Variants in CDK11A observed in about 807,000 individuals in gnomAD.
CDK11A encodes cyclin dependent kinase 11A.
A neutral mutation model predicts 83.6 loss-of-function variants in CDK11A; 55 were observed. The ratio of observed to expected loss-of-function variants is 0.66; its 90% CI spans 0.53 to 0.82. The LOEUF is 0.82. Among genes scored for constraint, CDK11A ranks in the 40% least tolerant of loss-of-function variants. CDK11A has a pLI of 0.00. For synonymous variants in CDK11A, 247 were observed against 302.7 expected (o/e 0.82, Z 1.91); for missense variants, 564 against 810.1 (o/e 0.70, Z 3.69).
intron 4 of CDK11A, among the ~76,000 whole-genome samples, chr1:1,718,208 C>T (rs1226925627): frequency 9.0e-5 from 13 of 144,152 alleles, no homozygotes; most frequent in African/African-American, 3.1e-4. Context: ...AGGGTATTCT[C>T]TCTATAGCCC....
intron 17 of CDK11A, 85 bp from the exon 18 acceptor site, chr1:1,703,709 G>A (rs926126776): frequency 6.5e-7 from 1 of 1,537,614 alleles, no homozygotes; most frequent in East Asian, 2.4e-5. Context: ...CAAGCCACCA[G>A]GAGGGCTCTC....
chr1:1,715,939 C>T (rs1426151359), intron 5 of CDK11A, among the ~76,000 whole-genome samples: 1 of 150,772 alleles, frequency 6.6e-6, no homozygotes, highest in Non-Finnish European at 1.5e-5. Context: ...CTCCCTTCTC[C>T]TTTTTTTGAG....
In CDK11A at chr1:1,708,037, G is replaced by C. The variant is rs554468212; in HGVS notation, c.1069+143C>G. On this transcript the variant is annotated intron_variant, in intron 10 of 19. Transcript: ENST00000404249. ...TCGCTGAGGAATGCGGGCCCCACCG[G>C]CACAGCCTGGAGCGGCCAACGAATC... 3,409 of 921,650 alleles carry C rather than the reference G, an allele frequency of 3.7e-3. 48 individuals are homozygous for C. The highest frequency in any genetic ancestry group is 6.0e-3 in the Admixed American group (205 of 34,282). 57.1% of individuals were successfully genotyped at this position (921,650 alleles called of 1,614,324 possible).
rs1644424797 is a variant in CDK11A, at chr1:1,708,859, TC to T, written c.937del (p.Glu313ArgfsTer25). 5 of 369,162 alleles carry T rather than the reference TC, an allele frequency of 1.4e-5. No homozygotes were observed. Among genetic ancestry groups the T allele is most frequent in the East Asian group, 4.2e-5 (1 of 23,972 alleles). The allele number at this position is 369,162 out of a possible 1,614,324, so 22.9% of individuals were successfully genotyped here. ...STSEESEEEE[E>X]EEEEEEEETG... ...CTCCTCCTCCTCCTCTTCCTCTTCC[TC>T]CTCCTCCTCCTCTGATTCTTCACTG... On this transcript the variant is annotated frameshift_variant, in exon 9 of 20. Coordinates refer to ENST00000404249, the MANE Select transcript of CDK11A (RefSeq NM_024011.4). LOFTEE classifies it high-confidence loss of function.
intron 14 of CDK11A, 23 bp from the exon 15 acceptor site, chr1:1,704,367 T>A (rs777158943): frequency 6.2e-7 from 1 of 1,606,406 alleles, no homozygotes; most frequent in African/African-American, 1.3e-5. Flanking sequence ...GAGGCTCCCA[T>A]GTGGACCCGG....
intron 4 of CDK11A, among the ~76,000 whole-genome samples, chr1:1,717,545 G>A (rs1292153178): frequency 6.6e-6 from 1 of 151,340 alleles, no homozygotes; most frequent in East Asian, 1.9e-4. Context: ...TATAATGGGG[G>A]AGAGAAAACC....
intron 4 of CDK11A, among the ~76,000 whole-genome samples, chr1:1,718,141 T>C (rs1364452631): frequency 2.0e-5 from 3 of 147,556 alleles, no homozygotes; most frequent in Non-Finnish European, 4.5e-5. Context: ...ACGCATGCTT[T>C]CAGCTAGAGT....
chr1:1,721,622 A>G lies in CDK11A; in HGVS notation c.201T>C (p.Tyr67=), dbSNP rs201926274. 64 of 1,607,314 alleles carry G rather than the reference A, an allele frequency of 4.0e-5. 3 individuals carry two copies. The highest frequency in any genetic ancestry group is 5.1e-5 in the Non-Finnish European group (60 of 1,175,088). Residue 67 remains tyrosine (Y), a synonymous_variant, in exon 3 of 20, where the codon TAT becomes TAC. Transcript: ENST00000404249. The part of the protein sequence containing the change: ...CMEITIRNSP[Y]RREDSMEDRG... ...TGTCTTCCATTGAGTCTTCTCTTCTATACGGGGAGTTCCTTATTGTGATCT... is the reference window on the plus strand; with the variant it reads ...TGTCTTCCATTGAGTCTTCTCTTCTGTACGGGGAGTTCCTTATTGTGATCT...
intron 3 of CDK11A, among the ~76,000 whole-genome samples, chr1:1,720,797 T>A (rs1280717994): frequency 6.6e-6 from 1 of 150,982 alleles, no homozygotes; most frequent in East Asian, 1.9e-4. Context: ...ATTCAAGCAA[T>A]TCTCCTGCCT....
rs1477430035 is a variant in CDK11A at position 1,718,422 on chromosome 1, C to T, written c.355+906G>A. Among the ~76,000 whole-genome samples the T allele has an allele frequency of 9.4e-5, 14 of 149,630 alleles. No individual in the cohort carries two copies. The East Asian group carries it at 2.6e-3, about 28-fold the overall frequency. On this transcript the variant is annotated intron_variant, in intron 4 of 19. Transcript: ENST00000404249. The stretch of plus-strand genomic sequence containing the variant: ...CACGCAGGCTTTTAGCTAGAGTTTG[C>T]TCTCCATAGCCCTTCTGAATGGTCT...
At position 1,705,005 on chromosome 1, in the gene CDK11A, G is replaced by A. The variant is rs766774315; in HGVS notation, c.1357C>T (p.Arg453Trp). 8.1e-6 allele frequency: 13 copies of A among 1,597,116 alleles called. No homozygotes were observed. The highest frequency in any genetic ancestry group is 1.5e-5 in the African/African-American group (1 of 68,794). Residue 453 changes from arginine to tryptophan, a missense_variant, in exon 13 of 20, where the codon CGG becomes TGG. By Grantham distance (101) the Arg-to-Trp change is moderately radical. Around this residue, in one of 5 missense-constraint regions of CDK11A, gnomAD observed 361 missense variants for 402.7 expected, o/e 0.90. Coordinates refer to ENST00000404249, the MANE Select transcript of CDK11A (RefSeq NM_024011.4). Reference sequence around the variant, plus strand: ...TCCTTCTCCTTCTCCATCTTCAGCCGCTTTAGAGCCACAATTTCATCTGTG... The same window carrying A: ...TCCTTCTCCTTCTCCATCTTCAGCCACTTTAGAGCCACAATTTCATCTGTG... ...KKTDEIVALK[R>W]LKMEKEKEGF...
Sources: allele counts gnomAD v4.1 joint callset (sites outside exome capture counted in the v4.1 genomes callset), GRCh38; gene constraint gnomAD v4.1.1; regional missense constraint gnomAD v4.1.1; transcripts MANE v1.5; gene names NCBI Gene and HGNC (gene_info 2026-07-23, HGNC 2026-07-21).